Variants in TBC1D8 observed in about 807,000 individuals in gnomAD.
The protein encoded by TBC1D8 is TBC1 domain family member 8, also known as BUB2-like protein 1.
Under a neutral mutation model 118.8 loss-of-function variants are expected in TBC1D8, and 65 were observed. The observed-to-expected ratio is 0.55, with a 90% CI of 0.45 to 0.67. The LOEUF is 0.67. Among genes scored for constraint, TBC1D8 ranks in the 30% least tolerant of loss-of-function variants. The probability of loss-of-function intolerance (pLI) is 0.00; values close to 1 mark genes in which losing one functional copy is unlikely to be tolerated. For synonymous variants in TBC1D8, 566 were observed against 595.8 expected, an observed-to-expected ratio of 0.95 and a Z score of 0.73; for missense variants, 1,376 against 1,471.2, an observed-to-expected ratio of 0.94 and a Z score of 1.06.
Position 101,028,451 on chromosome 2 carries a change from C to G in TBC1D8, c.2223-19G>C, listed in dbSNP as rs1680479831. The G allele has an allele frequency of 1.3e-6, 2 of 1,538,548 alleles. No individual in the cohort carries two copies. Among genetic ancestry groups the G allele is most frequent in the Non-Finnish European group, 1.7e-6 (2 of 1,143,918 alleles). ...TAGAAACCTGAACACACCGCCCCGT[C>G]AACGCCCAAGTCCATCCTCATTCGG... On this transcript the variant is annotated intron_variant, in intron 12 of 19. Coordinates refer to ENST00000409318, the MANE Select transcript of TBC1D8 (RefSeq NM_001330348.2).
intron 1 of TBC1D8, among the ~76,000 whole-genome samples, chr2:101,120,695 G>A (rs1558719191): frequency 6.6e-6 from 1 of 152,362 alleles, no homozygotes; most frequent in East Asian, 1.9e-4. Flanking sequence ...GTTCAACCTC[G>A]TGGCAGAAAC....
chr2:101,104,978 TCACA>T (rs774291009), intron 1 of TBC1D8, among the ~76,000 whole-genome samples: 14,545 of 139,936 alleles, frequency 0.1, 898 homozygotes, highest in South Asian at 0.22. Flanking sequence ...TGAGCCGAGA[TCACA>T]CCATTGCACT....
At chr2:101,055,523 A>C (rs1444055958) in intron 3 of TBC1D8, among the ~76,000 whole-genome samples, 2 of 152,178 alleles carry the variant, frequency 1.3e-5, no homozygotes, top group African/African-American at 4.8e-5. Flanking sequence ...AAGGTTCCCA[A>C]GGTCATAAAT....
At chr2:101,048,404 A>G (rs1681842092) in intron 5 of TBC1D8, among the ~76,000 whole-genome samples, 1 of 152,100 alleles carries the variant, frequency 6.6e-6, no homozygotes, top group Admixed American at 6.6e-5. Context: ...CCAAATCCCA[A>G]AGGACACTGC....
chr2:101,054,801 G>GCCTCCCAAA (rs1682320059), intron 3 of TBC1D8, among the ~76,000 whole-genome samples: 1 of 146,048 alleles, frequency 6.8e-6, no homozygotes, highest in East Asian at 2.1e-4. Context: ...TCCTGCCTCA[G>GCCTCCCAAA]CCTCCCAAAT....
intron 11 of TBC1D8, among the ~76,000 whole-genome samples, chr2:101,030,750 G>A (rs976674741): frequency 1.3e-5 from 2 of 152,166 alleles, no homozygotes; most frequent in African/African-American, 4.8e-5. Context: ...CAACTCAAAT[G>A]CGCATCAGCA....
chr2:101,089,170 T>C (rs1157434767), intron 2 of TBC1D8, among the ~76,000 whole-genome samples: 2 of 152,184 alleles, frequency 1.3e-5, no homozygotes, highest in South Asian at 2.1e-4. Context: ...CTGGCCAACA[T>C]AGTGAGACTC....
In TBC1D8 at chr2:101,007,235, A is replaced by T. The variant is rs1678786818; in HGVS notation, c.*586T>A. 1 of 152,406 alleles carries T rather than the reference A, an allele frequency of 6.6e-6. No homozygotes were observed. The highest frequency in any genetic ancestry group is 6.5e-5 in the Admixed American group (1 of 15,304). The allele number at this position is 152,406 out of a possible 1,614,324, so 9.4% of individuals were successfully genotyped here. A position where few individuals can be genotyped will look rare whatever the true frequency, so the allele number is the denominator to read the frequency against. ...TAAAAGAAAAGGACCAAGTAAATACAAAAAGTTTCTTATTAAAAAACTTGG... is the reference window on the plus strand; with the variant it reads ...TAAAAGAAAAGGACCAAGTAAATACTAAAAGTTTCTTATTAAAAAACTTGG... On this transcript the variant is annotated 3_prime_UTR_variant, in exon 20 of 20. Transcript: ENST00000409318.
Position 101,131,058 on chromosome 2 carries a change from T to TTTTA in TBC1D8, c.127+20065_127+20068dup, listed in dbSNP as rs139805489. 6.3e-4 allele frequency among the ~76,000 whole-genome samples: 95 copies of TTTTA among 151,078 alleles called. 1 individual carries two copies. Among genetic ancestry groups the TTTTA allele is most frequent in the African/African-American group, 2.0e-3 (81 of 41,106 alleles). On this transcript the variant is annotated intron_variant, in intron 1 of 19. Coordinates refer to ENST00000409318, the MANE Select transcript of TBC1D8 (RefSeq NM_001330348.2). ...ACCCCTGGGAAACCTCACCTCTTTA[T>TTTTA]TTTATTTATTTATTTATTTATTTTT...
chr2:101,042,993 A>G (rs973728817), intron 5 of TBC1D8, among the ~76,000 whole-genome samples: 2 of 152,146 alleles, frequency 1.3e-5, no homozygotes, highest in African/African-American at 4.8e-5. Flanking sequence ...CATGTCCACC[A>G]TCACACAACT....
chr2:101,091,669 G>A (rs1676045734), intron 1 of TBC1D8, among the ~76,000 whole-genome samples: 1 of 152,172 alleles, frequency 6.6e-6, no homozygotes, highest in Admixed American at 6.5e-5. Context: ...AGGCTGCAGT[G>A]AGTAGTGATG....
intron 1 of TBC1D8, among the ~76,000 whole-genome samples, chr2:101,116,594 A>ATT: frequency 1.3e-5 from 2 of 152,210 alleles, no homozygotes; most frequent in East Asian, 3.9e-4. Context: ...ATTTTAAAAC[A>ATT]GGGCCACATT....
Position 101,151,125 on chromosome 2 carries a change from A to C in TBC1D8, c.127+2T>G, listed in dbSNP as rs1449268222. The stretch of plus-strand genomic sequence containing the variant: ...CCGCGCCCGCCCCGGCGAGCCCCTT[A>C]CCGGTGAGGCGGCCGCCCCCCTCGC... On this transcript the variant is annotated splice_donor_variant, in intron 1 of 19. Transcript: ENST00000409318. LOFTEE classifies it high-confidence loss of function. 8.9e-7 allele frequency: 1 copy of C among 1,122,536 alleles called. No individual in the cohort carries two copies. The highest frequency in any genetic ancestry group is 1.1e-6 in the Non-Finnish European group (1 of 900,902). 69.5% of individuals were successfully genotyped at this position (1,122,536 alleles called of 1,614,324 possible). A position where few individuals can be genotyped will look rare whatever the true frequency, so the allele number is the denominator to read the frequency against.
chr2:101,150,631 T>C (rs1679515875), intron 1 of TBC1D8, among the ~76,000 whole-genome samples: 1 of 152,184 alleles, frequency 6.6e-6, no homozygotes, highest in African/African-American at 2.4e-5. Flanking sequence ...GTGGAGACAG[T>C]TCCCGCTCAC....
Position 101,007,812 on chromosome 2 carries a change from G to C in TBC1D8, c.*9C>G. 1 of 1,611,918 alleles carries C rather than the reference G, an allele frequency of 6.2e-7. No individual in the cohort carries two copies. The highest frequency in any genetic ancestry group is 8.5e-7 in the Non-Finnish European group (1 of 1,178,596). ...GTGGACTCCAGTGTGCATAGCAGCT[G>C]CTGTCTTGCTACAAGTTACTCAGCT... On this transcript the variant is annotated 3_prime_UTR_variant, in exon 20 of 20. Coordinates refer to ENST00000409318, the MANE Select transcript of TBC1D8 (RefSeq NM_001330348.2).
intron 1 of TBC1D8, among the ~76,000 whole-genome samples, chr2:101,121,086 G>A (rs1371839663): frequency 6.6e-6 from 1 of 151,910 alleles, no homozygotes; most frequent in Non-Finnish European, 1.5e-5. Flanking sequence ...TCCTATGAAC[G>A]GGCAAACCTC....
At chr2:101,078,170 G>T (rs1156608826) in intron 2 of TBC1D8, among the ~76,000 whole-genome samples, 4 of 152,194 alleles carry the variant, frequency 2.6e-5, no homozygotes, top group Non-Finnish European at 4.4e-5. Flanking sequence ...CAGGGAGACT[G>T]ATTTGAGTAA....
intron 17 of TBC1D8, among the ~76,000 whole-genome samples, 168 bp from the exon 18 acceptor site, chr2:101,011,708 A>G (rs1679228154): frequency 6.6e-6 from 1 of 152,186 alleles, no homozygotes. Context: ...CTGTCTGGAT[A>G]CCCAGAGAAA....
At position 101,075,250 on chromosome 2, in the gene TBC1D8, T is replaced by C. The variant is rs149519544; in HGVS notation, c.283+14959A>G. 7.9e-3 allele frequency among the ~76,000 whole-genome samples: 1,196 copies of C among 152,070 alleles called. 17 individuals carry two copies. Among genetic ancestry groups the C allele is most frequent in the African/African-American group, 0.026 (1,065 of 41,470 alleles). ...CATCTCTACTAAAAATACAAAAAAT[T>C]AGCCAGGCGTGGTGGCACGCACCTG... On this transcript the variant is annotated intron_variant, in intron 2 of 19. Transcript: ENST00000409318.
Sources: allele counts gnomAD v4.1 joint callset (sites outside exome capture counted in the v4.1 genomes callset), GRCh38; gene constraint gnomAD v4.1.1; transcripts MANE v1.5; gene names NCBI Gene and HGNC (gene_info 2026-07-23, HGNC 2026-07-21).